Variants in TEX9 observed in about 807,000 individuals in gnomAD.
The protein encoded by TEX9 is testis expressed 9, also known as testis-expressed protein 9.
TEX9 carries 74 observed loss-of-function variants against 59.6 expected under a neutral mutation model. The observed-to-expected ratio is 1.24, with a 90% confidence interval of 1.03 to 1.51. TEX9 has a LOEUF of 1.51. Ranked by LOEUF, TEX9 falls within the 40% of genes most tolerant of loss-of-function variation. The pLI, the probability that TEX9 is intolerant of heterozygous loss-of-function variation, is 0.00. For missense variants in TEX9, 522 were observed against 447.8 expected (o/e 1.17, Z -1.49); for synonymous variants, 186 against 152.2 (o/e 1.22, Z -1.64).
intron 1 of TEX9, among the ~76,000 whole-genome samples, chr15:56,355,582 T>A (rs2046669102): frequency 1.3e-5 from 2 of 152,176 alleles, no homozygotes; most frequent in African/African-American, 4.8e-5. Context: ...CTCAAAATTG[T>A]TTTGGCTAGT....
chr15:56,258,044 G>A (rs897425253), intron 1 of TEX9, among the ~76,000 whole-genome samples: 20 of 152,190 alleles, frequency 1.3e-4, no homozygotes, highest in African/African-American at 4.6e-4. Flanking sequence ...ATTAAATAGG[G>A]AATGCTTTCC....
At chr15:56,382,771 TTC>T (rs2047788611) in intron 3 of TEX9, among the ~76,000 whole-genome samples, 1 of 152,212 alleles carries the variant, frequency 6.6e-6, no homozygotes, top group Admixed American at 6.5e-5. Flanking sequence ...TTACTTTTTG[TTC>T]TCCTCTCCTT....
chr15:56,431,344 G>A (rs1284886906), intron 12 of TEX9: 1 of 1,606,402 alleles, frequency 6.2e-7, no homozygotes, highest in East Asian at 2.2e-5. Flanking sequence ...AGGTCATGAA[G>A]ATTACAACTT....
chr15:56,414,541 G>C (rs2049573038), intron 10 of TEX9, among the ~76,000 whole-genome samples: 1 of 150,968 alleles, frequency 6.6e-6, no homozygotes, highest in Non-Finnish European at 1.5e-5. Context: ...ACTGCCTCTA[G>C]CTCCATCCAT....
the TEX9 span, among the ~76,000 whole-genome samples, chr15:56,457,658 C>T: frequency 6.6e-6 from 1 of 151,980 alleles, no homozygotes; most frequent in South Asian, 2.1e-4. Context: ...GCTGTCCTTA[C>T]AGAAAATTAG....
At chr15:56,284,659 G>C (rs1272996313) in intron 1 of TEX9, among the ~76,000 whole-genome samples, 8 of 152,100 alleles carry the variant, frequency 5.3e-5, no homozygotes, top group African/African-American at 1.7e-4. Context: ...CTCTTTACCA[G>C]TATTTCCAGT....
chr15:56,419,356 T>C (rs140630567), intron 10 of TEX9, among the ~76,000 whole-genome samples: 117 of 151,988 alleles, frequency 7.7e-4, no homozygotes, highest in Non-Finnish European at 1.5e-3. Context: ...ATATGGTCCC[T>C]TGTGTATTCT....
intron 1 of TEX9, among the ~76,000 whole-genome samples, chr15:56,334,274 G>A (rs1407741481): frequency 1.3e-5 from 2 of 152,134 alleles, no homozygotes; most frequent in Admixed American, 6.6e-5. Flanking sequence ...CAGAGCTATT[G>A]TAACCAAAAC....
chr15:56,266,411 G>C (rs2044383574), intron 1 of TEX9, among the ~76,000 whole-genome samples: 1 of 151,654 alleles, frequency 6.6e-6, no homozygotes, highest in South Asian at 2.1e-4. Flanking sequence ...GTGCCGTGTT[G>C]GTTTGCTACA....
intron 1 of TEX9, among the ~76,000 whole-genome samples, chr15:56,329,630 T>A (rs572504584): frequency 3.4e-4 from 51 of 152,206 alleles, no homozygotes; most frequent in Admixed American, 2.6e-3. Context: ...ATTCTGGTGT[T>A]GAAAAATGCA....
intron 10 of TEX9, among the ~76,000 whole-genome samples, chr15:56,419,265 C>T (rs1379033218): frequency 2.6e-5 from 4 of 151,802 alleles, no homozygotes; most frequent in Non-Finnish European, 4.4e-5. Flanking sequence ...GCTGAACTCA[C>T]TTATTCTAGA....
At chr15:56,278,179 T>C (rs1241605497) in intron 1 of TEX9, among the ~76,000 whole-genome samples, 1 of 152,230 alleles carries the variant, frequency 6.6e-6, no homozygotes, top group Non-Finnish European at 1.5e-5. Context: ...TAAACATTAA[T>C]ATCTATAGCA....
chr15:56,428,241 G>T, intron 11 of TEX9, 126 bp from the exon 12 acceptor site: 1 of 656,304 alleles, frequency 1.5e-6, no homozygotes. Context: ...GGAATTAAGA[G>T]TATACATTCC....
upstream of TEX9, among the ~76,000 whole-genome samples, chr15:56,363,794 A>G (rs2046837277): frequency 6.7e-6 from 1 of 150,318 alleles, no homozygotes; most frequent in Admixed American, 6.6e-5. Flanking sequence ...GTCTCCTAGT[A>G]GTTGGGACTA....
In TEX9 at chr15:56,391,282, TG is replaced by T; in HGVS notation, c.436del (p.Val146LeufsTer32). ...ACTCTGATGTCCAAACTGCCGACGA[TG>T]TTGCCATTCCAGAGGATTTCTCAGA... On this transcript the variant is annotated frameshift_variant, in exon 7 of 13. Coordinates refer to ENST00000352903, the Ensembl canonical transcript of TEX9. LOFTEE classifies it high-confidence loss of function. 6.3e-7 allele frequency: 1 copy of T among 1,583,660 alleles called. No homozygotes were observed. The highest frequency in any genetic ancestry group is 1.2e-5 in the South Asian group (1 of 84,688).
intron 1 of TEX9, among the ~76,000 whole-genome samples, chr15:56,269,707 C>G (rs1173672373): frequency 1.4e-5 from 2 of 146,456 alleles, no homozygotes; most frequent in African/African-American, 5.1e-5. Context: ...GGCTGGAGTA[C>G]AGAGGTGTGA....
intron 9 of TEX9, chr15:56,409,038 C>G (rs1382180436): frequency 6.6e-6 from 1 of 151,932 alleles, no homozygotes; most frequent in East Asian, 1.9e-4. Flanking sequence ...TCTACTAAAA[C>G]TACAAAAAAT....
intron 1 of TEX9, among the ~76,000 whole-genome samples, chr15:56,329,785 C>A (rs1487392993): frequency 6.6e-6 from 1 of 152,048 alleles, no homozygotes; most frequent in African/African-American, 2.4e-5. Flanking sequence ...ATGAAGCAAG[C>A]CTACAAGACC....
chr15:56,276,169 T>C (rs1191685507), intron 1 of TEX9, among the ~76,000 whole-genome samples: 1 of 152,186 alleles, frequency 6.6e-6, no homozygotes, highest in Admixed American at 6.5e-5. Flanking sequence ...TTTAGTTTTT[T>C]ATTTTATTTT....
Sources: gnomAD v4.1 joint callset for allele counts (sites outside exome capture counted in the v4.1 genomes callset) on GRCh38, gnomAD v4.1.1 for gene constraint, MANE v1.5 for transcripts, NCBI Gene and HGNC (gene_info 2026-07-23, HGNC 2026-07-21) for gene names.